DMXL2: variants seen among roughly 807,000 people sequenced by gnomAD.
DMXL2 encodes the protein Dmx like 2.
Under a neutral mutation model 331.1 loss-of-function variants are expected in DMXL2, and 103 were observed. The ratio of observed to expected loss-of-function variants is 0.31; its 90% confidence interval spans 0.27 to 0.37. The LOEUF is 0.37. Ranked by LOEUF, DMXL2 falls within the 10% of genes least tolerant of loss-of-function variation. The pLI, the probability that DMXL2 is intolerant of heterozygous loss-of-function variation, is 1.00. For missense variants in DMXL2, 3,171 were observed against 3,642.9 expected, an observed-to-expected ratio of 0.87 and a Z score of 3.33; for synonymous variants, 1,281 against 1,252.1, an observed-to-expected ratio of 1.02 and a Z score of -0.49.
intron 1 of DMXL2, among the ~76,000 whole-genome samples, chr15:51,603,007 T>C (rs1017195135): frequency 1.1e-4 from 17 of 152,240 alleles, no homozygotes; most frequent in South Asian, 6.2e-4. Context: ...AAATGGCTAG[T>C]AGAAAAATGT....
intron 33 of DMXL2, among the ~76,000 whole-genome samples, chr15:51,462,796 A>C (rs562626515): frequency 6.6e-6 from 1 of 152,122 alleles, no homozygotes; most frequent in Non-Finnish European, 1.5e-5. Flanking sequence ...CAATCTCCCA[A>C]ACTGCTAATT....
chr15:51,455,992 G>T (rs2039584978), intron 39 of DMXL2, 74 bp downstream of exon 39: 8 of 1,534,982 alleles, frequency 5.2e-6, no homozygotes, highest in African/African-American at 1.4e-5. Context: ...ATTTTTCGAT[G>T]CACTTTTATC....
chr15:51,524,936 T>A (rs1386734044), intron 13 of DMXL2, among the ~76,000 whole-genome samples: 1 of 151,842 alleles, frequency 6.6e-6, no homozygotes, highest in African/African-American at 2.4e-5. Context: ...AGTGCTGGCA[T>A]CATCCCTTCC....
intron 2 of DMXL2, among the ~76,000 whole-genome samples, chr15:51,571,805 A>G (rs185464016): frequency 1.3e-5 from 2 of 152,340 alleles, no homozygotes; most frequent in African/African-American, 4.8e-5. Flanking sequence ...AGGGAAATTT[A>G]TAGCACTAAA....
chr15:51,611,079 A>C (rs1028808749), intron 1 of DMXL2, among the ~76,000 whole-genome samples: 8 of 152,122 alleles, frequency 5.3e-5, no homozygotes, highest in Admixed American at 3.9e-4. Context: ...TAGGGGAAAA[A>C]CAGCACAATT....
At chr15:51,606,826 A>G (rs1362357926) in intron 1 of DMXL2, among the ~76,000 whole-genome samples, 4 of 152,200 alleles carry the variant, frequency 2.6e-5, no homozygotes, top group Non-Finnish European at 5.9e-5. Context: ...AATTGATTAG[A>G]AAAAAACATC....
In DMXL2 at chr15:51,499,763, A is replaced by G; in HGVS notation, c.3461T>C (p.Leu1154Pro). 6.2e-7 allele frequency: 1 copy of G among 1,614,150 alleles called. No individual in the cohort carries two copies. The highest frequency in any genetic ancestry group is 8.5e-7 in the Non-Finnish European group (1 of 1,180,010). ...AATAAGATATCTATCCTTGCTCAAG[A>G]GTGCATCTGACTTGCTATACACAAA... The part of the protein sequence containing the change: ...NLFVYSKSDA[L>P]LSKDRYLIPN... Residue 1154 changes from leucine to proline, a missense_variant, in exon 18 of 44, where the codon CTC (leucine) becomes CCC (proline). Physicochemically the swap from Leu to Pro is moderately conservative, Grantham distance 98 (BLOSUM62 -3). Transcript: ENST00000560891.
rs1596019947 is a variant in DMXL2, at chr15:51,499,768, A to T, written c.3456T>A (p.Asp1152Glu). 6.2e-7 allele frequency: 1 copy of T among 1,614,188 alleles called. No individual in the cohort carries two copies. The highest frequency in any genetic ancestry group is 1.3e-5 in the African/African-American group (1 of 75,064). Residue 1152 changes from aspartate (D) to glutamate (E), a missense_variant, in exon 18 of 44, where the codon GAT (aspartate) becomes GAA (glutamate). Physicochemically the swap from Asp to Glu is conservative, Grantham distance 45 (BLOSUM62 2). Coordinates refer to ENST00000560891, the MANE Select transcript of DMXL2 (RefSeq NM_001378457.1). ...DSNLFVYSKS[D>E]ALLSKDRYLI... ...GATATCTATCCTTGCTCAAGAGTGC[A>T]TCTGACTTGCTATACACAAACAGAT...
At chr15:51,450,582 A>G in intron 42 of DMXL2, 1 of 494,806 alleles carries the variant, frequency 2.0e-6, no homozygotes. Context: ...AGAGAGAAAA[A>G]GAAAGTTTAA....
At position 51,547,399 on chromosome 15, in the gene DMXL2, G is replaced by T. The variant is rs761038679; in HGVS notation, c.577C>A (p.Leu193Ile). Residue 193 changes from leucine to isoleucine, a missense_variant, in exon 7 of 44, where the codon CTT becomes ATT. Physicochemically the swap from Leu to Ile is conservative, Grantham distance 5. Coordinates refer to ENST00000560891, the MANE Select transcript of DMXL2 (RefSeq NM_001378457.1). ...YFATAGKDDC[L>I]LKVWYPMTGW... ...GTCATAGGATACCACACTTTCAAAA[G>T]ACAATCATCCTGAAAAATACATAGG... The T allele has an allele frequency of 6.3e-7, 1 of 1,580,592 alleles. No homozygotes were observed.
intron 6 of DMXL2, among the ~76,000 whole-genome samples, chr15:51,557,573 G>A (rs2049683447): frequency 1.3e-5 from 2 of 152,010 alleles, no homozygotes; most frequent in Non-Finnish European, 2.9e-5. Flanking sequence ...GAATAGATAA[G>A]ACGATCTTAA....
In DMXL2 at chr15:51,547,322, T is replaced by C; in HGVS notation, c.654A>G (p.Arg218=). The change falls in exon 7 of 44, where the codon AGA becomes AGG. Residue 218 remains arginine, a synonymous_variant. Transcript: ENST00000560891. ...IPQDHHEVKR[R]QSSTQFSFVY... ...CAAAAGAAAATTGAGTAGAGGACTG[T>C]CTCCTTTTTACTTCATGATGATCCT... is the stretch of plus-strand genomic sequence containing the variant. 3.7e-6 allele frequency: 6 copies of C among 1,613,108 alleles called. No individual in the cohort carries two copies. The highest frequency in any genetic ancestry group is 5.1e-6 in the Non-Finnish European group (6 of 1,179,378).
At chr15:51,522,384 G>A (rs1221373105) in intron 13 of DMXL2, among the ~76,000 whole-genome samples, 4 of 152,186 alleles carry the variant, frequency 2.6e-5, no homozygotes, top group Admixed American at 2.0e-4. Context: ...AGTGGTGCAC[G>A]CCTGTAATCC....
Position 51,480,742 on chromosome 15 carries a change from C to A in DMXL2, c.6364G>T (p.Gly2122Cys), listed in dbSNP as rs1381985443. Residue 2122 changes from glycine (G) to cysteine (C), a missense_variant, in exon 24 of 44, where the codon GGT (glycine) becomes TGT (cysteine). Physicochemically the swap from Gly to Cys is radical, Grantham distance 159. This residue lies in a region of DMXL2 where 197 missense variants were observed against 196.2 expected (regional missense o/e 1.00). Coordinates refer to ENST00000560891, the MANE Select transcript of DMXL2 (RefSeq NM_001378457.1). ...TCTATTTGATGGCGCTCATAGGAACCAATATCTGGTTTGTCTACCATTTCT... is the reference window on the plus strand; with the variant it reads ...TCTATTTGATGGCGCTCATAGGAACAAATATCTGGTTTGTCTACCATTTCT... ...QEEMVDKPDI[G>C]SYERHQIERR... The A allele has an allele frequency of 6.2e-7, 1 of 1,600,710 alleles. No homozygotes were observed. The highest frequency in any genetic ancestry group is 2.2e-5 in the East Asian group (1 of 44,582).
chr15:51,453,873 A>C (rs1347171040), intron 40 of DMXL2, among the ~76,000 whole-genome samples: 2 of 152,324 alleles, frequency 1.3e-5, no homozygotes, highest in South Asian at 2.1e-4. Context: ...AACAGAATTA[A>C]AGGTCATGTT....
At chr15:51,460,567 TAA>T (rs1232331254) in intron 33 of DMXL2, 2 of 116,710 alleles carry the variant, frequency 1.7e-5, no homozygotes, top group Non-Finnish European at 3.6e-5. Context: ...CTTATTCTTA[TAA>T]ATATATAACT....
chr15:51,563,417 C>A lies in DMXL2; in HGVS notation c.531G>T (p.Trp177Cys). ...KTSVSVHLME[W>C]SPDGEYFATA... ...TAGCAAAATATTCACCATCAGGAGACCATTCCATCAAATGTACAGATACTG... is the reference window on the plus strand; with the variant it reads ...TAGCAAAATATTCACCATCAGGAGAACATTCCATCAAATGTACAGATACTG... Residue 177 changes from tryptophan (W) to cysteine (C), a missense_variant, in exon 6 of 44, where the codon TGG becomes TGT. By Grantham distance (215) the Trp-to-Cys change is radical (BLOSUM62 -2). Around this residue, in one of 7 missense-constraint regions of DMXL2, gnomAD observed 1,674 missense variants for 1,780.2 expected, o/e 0.94. Transcript: ENST00000560891. 6.2e-7 allele frequency: 1 copy of A among 1,609,226 alleles called. No individual in the cohort carries two copies. Among genetic ancestry groups the A allele is most frequent in the Non-Finnish European group, 8.5e-7 (1 of 1,178,038 alleles).
chr15:51,501,426 C>A (rs1308689070), intron 17 of DMXL2, among the ~76,000 whole-genome samples: 1 of 152,120 alleles, frequency 6.6e-6, no homozygotes, highest in Non-Finnish European at 1.5e-5. Context: ...AAACTATAGT[C>A]TTTTATCCTA....
intron 6 of DMXL2, among the ~76,000 whole-genome samples, chr15:51,554,416 T>C (rs2049417217): frequency 6.6e-6 from 1 of 152,056 alleles, no homozygotes. Context: ...GTTTTAGAGA[T>C]CAAGACATGA....
Sources: gnomAD v4.1 joint callset for allele counts (sites outside exome capture counted in the v4.1 genomes callset) on GRCh38, gnomAD v4.1.1 for gene constraint, gnomAD v4.1.1 regional missense constraint, MANE v1.5 for transcripts, NCBI Gene and HGNC (gene_info 2026-07-23, HGNC 2026-07-21) for gene names.